Variants in XKR4 observed in about 807,000 individuals in gnomAD.
The protein encoded by XKR4 is XK-related protein 4.
A neutral mutation model predicts 53.9 loss-of-function variants in XKR4; 12 were observed. The ratio of observed to expected loss-of-function variants is 0.22; its 90% CI spans 0.14 to 0.36. XKR4 has a LOEUF of 0.36. Among genes scored for constraint, XKR4 ranks in the 10% least tolerant of loss-of-function variants. The probability of loss-of-function intolerance (pLI) is 1.00; values close to 1 mark genes in which losing one functional copy is unlikely to be tolerated. For synonymous variants in XKR4, 354 were observed against 362.4 expected, an observed-to-expected ratio of 0.98 and a Z score of 0.26; for missense variants, 799 against 859.5, an observed-to-expected ratio of 0.93 and a Z score of 0.88.
At chr8:55,227,147 T>C (rs73682912) in intron 1 of XKR4, among the ~76,000 whole-genome samples, 3,175 of 152,322 alleles carry the variant, frequency 0.021, 117 homozygotes, top group African/African-American at 0.071. Context: ...CACATGCCAT[T>C]GTGGCTGTTG....
chr8:55,149,778 G>T (rs772850243), intron 1 of XKR4, among the ~76,000 whole-genome samples: 1 of 152,204 alleles, frequency 6.6e-6, no homozygotes, highest in Non-Finnish European at 1.5e-5. Flanking sequence ...GCAGAAGCAG[G>T]TGCTGCCTTA....
chr8:55,169,619 A>C (rs1200956809), intron 1 of XKR4, among the ~76,000 whole-genome samples: 1 of 152,220 alleles, frequency 6.6e-6, no homozygotes, highest in Non-Finnish European at 1.5e-5. Flanking sequence ...GGATCAGGAC[A>C]GTCCTTTCTC....
chr8:55,316,944 G>GCCC (rs1819486275), intron 1 of XKR4, among the ~76,000 whole-genome samples: 8 of 152,164 alleles, frequency 5.3e-5, no homozygotes, highest in African/African-American at 1.9e-4. Flanking sequence ...TATATCGGAT[G>GCCC]TTAAAGGGAC....
rs57108792 is a variant in XKR4, at chr8:55,318,477, A to T, written c.807-39201A>T. ...ACCTCAGTGCCTCTTCTCTGTTCTC[A>T]TTAGCAGTTTGTCCCAAACTCGACC... On this transcript the variant is annotated intron_variant, in intron 1 of 2. Transcript: ENST00000327381. Among the ~76,000 whole-genome samples the T allele has an allele frequency of 4.8e-3, 726 of 152,310 alleles. 6 individuals are homozygous for T. The highest frequency in any genetic ancestry group is 0.016 in the African/African-American group (660 of 41,560).
At chr8:55,401,909 G>A (rs1339646181) in intron 2 of XKR4, among the ~76,000 whole-genome samples, 1 of 152,182 alleles carries the variant, frequency 6.6e-6, no homozygotes, top group Non-Finnish European at 1.5e-5. Context: ...TTTGAAATTA[G>A]CAGTAATAAA....
chr8:55,216,884 A>G (rs867574090), intron 1 of XKR4, among the ~76,000 whole-genome samples: 1 of 151,910 alleles, frequency 6.6e-6, no homozygotes, highest in Non-Finnish European at 1.5e-5. Flanking sequence ...ATAAGAAAGC[A>G]TTAGAATTGC....
At chr8:55,350,348 A>G (rs1461511612) in intron 1 of XKR4, among the ~76,000 whole-genome samples, 2 of 152,174 alleles carry the variant, frequency 1.3e-5, no homozygotes, top group Non-Finnish European at 2.9e-5. Flanking sequence ...TGGTAGATGG[A>G]ACCTTAATCT....
At chr8:55,328,863 CCCAATCTAATTTACCA>C (rs1358220108) in intron 1 of XKR4, among the ~76,000 whole-genome samples, 3 of 152,160 alleles carry the variant, frequency 2.0e-5, no homozygotes, top group Non-Finnish European at 4.4e-5. Context: ...TCCTTAACTA[CCCAATCTAATTTACCA>C]CCAACACCCA....
At chr8:55,162,573 C>T (rs190658470) in intron 1 of XKR4, among the ~76,000 whole-genome samples, 5 of 152,110 alleles carry the variant, frequency 3.3e-5, no homozygotes, top group African/African-American at 7.2e-5. Flanking sequence ...ACATACTAGT[C>T]GTTGAATAAA....
intron 1 of XKR4, among the ~76,000 whole-genome samples, chr8:55,324,216 C>T (rs1008360700): frequency 6.6e-6 from 1 of 152,188 alleles, no homozygotes; most frequent in Non-Finnish European, 1.5e-5. Flanking sequence ...CCACCTCAGC[C>T]TCATGAGTAG....
intron 1 of XKR4, among the ~76,000 whole-genome samples, chr8:55,108,176 G>A (rs1816179284): frequency 6.6e-6 from 1 of 152,076 alleles, no homozygotes; most frequent in Admixed American, 6.5e-5. Context: ...TTAGAGCCCT[G>A]GATGCAATGT....
chr8:55,173,312 T>C (rs760167989), intron 1 of XKR4, among the ~76,000 whole-genome samples: 44 of 152,118 alleles, frequency 2.9e-4, no homozygotes, highest in Non-Finnish European at 2.9e-4. Context: ...TTTTAATTAT[T>C]GTTGGTATGA....
intron 1 of XKR4, among the ~76,000 whole-genome samples, chr8:55,219,039 C>A (rs1281971601): frequency 6.9e-6 from 1 of 145,274 alleles, no homozygotes; most frequent in African/African-American, 2.5e-5. Flanking sequence ...GATAGAAGGG[C>A]CTTTATTCTT....
rs375174259 is a variant in XKR4 at position 55,269,365 on chromosome 8, C to CT, written c.807-88304dup. Among the ~76,000 whole-genome samples, 12 of 151,100 alleles carry CT rather than the reference C, an allele frequency of 7.9e-5. No individual in the cohort carries two copies. The East Asian group carries it at 1.4e-3, about 17-fold the overall frequency. ...CATATGTTGCAAGAAAGAAACAATA[C>CT]TTTTTTTTTGTATAATTGGTGTAGG... On this transcript the variant is annotated intron_variant, in intron 1 of 2. Coordinates refer to ENST00000327381, the MANE Select transcript of XKR4 (RefSeq NM_052898.2).
chr8:55,471,253 T>A (rs1219013759), intron 2 of XKR4, among the ~76,000 whole-genome samples: 1 of 151,288 alleles, frequency 6.6e-6, no homozygotes, highest in African/African-American at 2.4e-5. Flanking sequence ...AAGTAAAGAG[T>A]TTTGTGAGGT....
intron 1 of XKR4, among the ~76,000 whole-genome samples, chr8:55,108,670 T>G (rs1816188540): frequency 6.6e-6 from 1 of 152,204 alleles, no homozygotes; most frequent in Non-Finnish European, 1.5e-5. Flanking sequence ...GTTATTTTCT[T>G]AGGATACAGT....
chr8:55,521,473 G>A (rs912318596), intron 2 of XKR4, among the ~76,000 whole-genome samples: 1 of 152,036 alleles, frequency 6.6e-6, no homozygotes, highest in African/African-American at 2.4e-5. Flanking sequence ...TAAATTATCA[G>A]AAACTCCTTT....
At chr8:55,202,893 C>CA (rs1817593696) in intron 1 of XKR4, among the ~76,000 whole-genome samples, 2 of 149,972 alleles carry the variant, frequency 1.3e-5, no homozygotes, top group African/African-American at 5.1e-5. Context: ...GTCTGCAGAG[C>CA]AGCCCTGCTG....
intron 2 of XKR4, chr8:55,450,526 T>C: frequency 1.5e-6 from 1 of 656,874 alleles, no homozygotes; most frequent in Non-Finnish European, 2.9e-6. Context: ...CAGAGTCCAG[T>C]AGGAAGGTCT....
Sources: gnomAD v4.1 joint callset for allele counts (sites outside exome capture counted in the v4.1 genomes callset) on GRCh38, gnomAD v4.1.1 for gene constraint, MANE v1.5 for transcripts, NCBI Gene and HGNC (gene_info 2026-07-23, HGNC 2026-07-21) for gene names.